CEP83: variants seen among roughly 807,000 people sequenced by gnomAD.
CEP83 encodes the protein centrosomal protein of 83 kDa.
Under a neutral mutation model 101.9 loss-of-function variants are expected in CEP83, and 70 were observed. The ratio of observed to expected loss-of-function variants is 0.69; its 90% confidence interval spans 0.57 to 0.84. The LOEUF is 0.84. CEP83 is among the 40% of genes least tolerant of loss of function. The pLI, the probability that CEP83 is intolerant of heterozygous loss-of-function variation, is 0.00. For synonymous variants in CEP83, 264 were observed against 267.9 expected (o/e 0.99, Z 0.14); for missense variants, 715 against 787.2 (o/e 0.91, Z 1.10).
chr12:94,452,865 A>C (rs1309078412), intron 1 of CEP83, among the ~76,000 whole-genome samples: 1 of 152,162 alleles, frequency 6.6e-6, no homozygotes, highest in Non-Finnish European at 1.5e-5. Flanking sequence ...AGGACCAAAA[A>C]ATTAAGTAAC....
intron 11 of CEP83, among the ~76,000 whole-genome samples, chr12:94,355,833 T>C (rs957834273): frequency 3.9e-4 from 59 of 152,232 alleles, no homozygotes; most frequent in South Asian, 2.1e-4. Context: ...TGCAATTAAT[T>C]CGGCCCATCC....
downstream of CEP83, chr12:94,303,915 A>C (rs757652046): frequency 1.9e-6 from 3 of 1,608,466 alleles, no homozygotes; most frequent in Admixed American, 3.4e-5. Flanking sequence ...AGAAAGCAGA[A>C]ATAAGCTTAT....
At chr12:94,424,669 G>A (rs1018849001) in intron 2 of CEP83, 90 of 1,613,186 alleles carry the variant, frequency 5.6e-5, no homozygotes, top group Non-Finnish European at 7.6e-5. Context: ...AATCTACAAA[G>A]CCATAGCCTT....
At chr12:94,294,388 G>A in the CEP83 span, 1 of 613,824 alleles carries the variant, frequency 1.6e-6, no homozygotes, top group Admixed American at 2.7e-5. Context: ...TTTAATAAGT[G>A]ACAGCATGTA....
intron 6 of CEP83, among the ~76,000 whole-genome samples, chr12:94,397,955 G>A (rs1045096127): frequency 2.0e-5 from 3 of 152,082 alleles, no homozygotes; most frequent in Admixed American, 6.6e-5. Context: ...TCAAACTGCC[G>A]GTCACCTTCG....
intron 2 of CEP83, among the ~76,000 whole-genome samples, chr12:94,431,188 T>C (rs1396675628): frequency 6.6e-5 from 10 of 152,150 alleles, no homozygotes; most frequent in Non-Finnish European, 1.3e-4. Context: ...GGACATACAT[T>C]TGGGAAAGAA....
intron 2 of CEP83, among the ~76,000 whole-genome samples, chr12:94,421,053 T>C (rs1238493843): frequency 1.3e-5 from 2 of 151,792 alleles, no homozygotes; most frequent in South Asian, 2.1e-4. Context: ...TAATTCATAA[T>C]TTTTTTTGAG....
the CEP83 span, among the ~76,000 whole-genome samples, chr12:94,286,107 A>G: frequency 6.6e-6 from 1 of 152,188 alleles, no homozygotes; most frequent in African/African-American, 2.4e-5. Flanking sequence ...CTAGACACCT[A>G]TCTGCTTAAG....
the CEP83 span, chr12:94,277,653 C>T: frequency 9.7e-6 from 3 of 310,236 alleles, no homozygotes; most frequent in South Asian, 8.1e-5. Flanking sequence ...TCATTGCTGG[C>T]AGCCTCCTCC....
At chr12:94,325,061 A>G (rs757184093) in intron 14 of CEP83, among the ~76,000 whole-genome samples, 5 of 152,110 alleles carry the variant, frequency 3.3e-5, no homozygotes, top group Non-Finnish European at 7.4e-5. Context: ...TACATATAAC[A>G]ACATGGCATC....
At chr12:94,380,071 CAA>C (rs11362391) in intron 6 of CEP83, among the ~76,000 whole-genome samples, 2,385 of 83,290 alleles carry the variant, frequency 0.029, 84 homozygotes, top group African/African-American at 0.1. Flanking sequence ...CCCGGCCCTG[CAA>C]AAAAAAAAAA....
At chr12:94,391,612 A>C (rs2062541207) in intron 6 of CEP83, among the ~76,000 whole-genome samples, 1 of 152,210 alleles carries the variant, frequency 6.6e-6, no homozygotes, top group Non-Finnish European at 1.5e-5. Context: ...TGACAGGATC[A>C]AATTCACACA....
intron 14 of CEP83, among the ~76,000 whole-genome samples, chr12:94,314,107 GT>G (rs1970294990): frequency 6.6e-6 from 1 of 152,098 alleles, no homozygotes; most frequent in Non-Finnish European, 1.5e-5. Flanking sequence ...ATGGAAAAAA[GT>G]AGTATTTTTT....
At chr12:94,279,736 C>T in the CEP83 span, 1 of 1,172,270 alleles carries the variant, frequency 8.5e-7, no homozygotes, top group East Asian at 2.4e-5. Flanking sequence ...CCTCCCTGCC[C>T]CCACCAGCTT....
chr12:94,267,888 A>T, the CEP83 span, among the ~76,000 whole-genome samples: 1 of 151,138 alleles, frequency 6.6e-6, no homozygotes, highest in Non-Finnish European at 1.5e-5. Flanking sequence ...CCAAGCATGT[A>T]CACCCAGCCA....
chr12:94,347,076 C>CACAT (rs1201942089), intron 11 of CEP83, among the ~76,000 whole-genome samples: 1 of 104,708 alleles, frequency 9.6e-6, no homozygotes, highest in Admixed American at 1.0e-4. Flanking sequence ...TATACACATA[C>CACAT]ACACACACAC....
At chr12:94,367,121 CTG>C (rs2061063083) in intron 11 of CEP83, among the ~76,000 whole-genome samples, 1 of 151,906 alleles carries the variant, frequency 6.6e-6, no homozygotes, top group Non-Finnish European at 1.5e-5. Context: ...AGAGTTATAA[CTG>C]TTTCAGATAA....
chr12:94,280,423 G>A, the CEP83 span, among the ~76,000 whole-genome samples: 1 of 152,202 alleles, frequency 6.6e-6, no homozygotes, highest in Non-Finnish European at 1.5e-5. Context: ...CCTTGACTAA[G>A]CAGGCAATTA....
At chr12:94,321,664 T>G (rs1450773297) in intron 14 of CEP83, among the ~76,000 whole-genome samples, 1 of 152,074 alleles carries the variant, frequency 6.6e-6, no homozygotes, top group Non-Finnish European at 1.5e-5. Context: ...GTGCTTTGTG[T>G]TGGGCATCCG....
Sources: allele counts gnomAD v4.1 joint callset (sites outside exome capture counted in the v4.1 genomes callset), GRCh38; gene constraint gnomAD v4.1.1; transcripts MANE v1.5; gene names NCBI Gene and HGNC (gene_info 2026-07-23, HGNC 2026-07-21).